The following EFCAB13 variants were observed in gnomAD, a reference collection of about 807,000 sequenced individuals.
EFCAB13 encodes EF-hand calcium binding domain 13, also known as EF-hand calcium-binding domain-containing protein 13.
In EFCAB13, 91 loss-of-function variants were observed where a neutral mutation model predicts 110.2. That is an observed-to-expected ratio of 0.83 (90% CI 0.70 to 0.98). The LOEUF is 0.98. Ranked by LOEUF, EFCAB13 falls within the 50% of genes least tolerant of loss-of-function variation. The probability of loss-of-function intolerance (pLI) is 0.00; values close to 1 mark genes in which losing one functional copy is unlikely to be tolerated. For missense variants in EFCAB13, 968 were observed against 1,119.4 expected (o/e 0.86, Z 1.93); for synonymous variants, 323 against 369.9 (o/e 0.87, Z 1.45).
chr17:47,391,673 A>C (rs2065708693), intron 15 of EFCAB13, 93 bp downstream of exon 15: 1 of 1,169,250 alleles, frequency 8.6e-7, no homozygotes, highest in Non-Finnish European at 1.2e-6. Flanking sequence ...TAATTTTTTT[A>C]TTATAAAAAG....
At position 47,374,709 on chromosome 17, in the gene EFCAB13, G is replaced by A; in HGVS notation, c.1115G>A (p.Gly372Glu). 1 of 1,613,526 alleles carries A rather than the reference G, an allele frequency of 6.2e-7. No homozygotes were observed. Among genetic ancestry groups the A allele is most frequent in the Non-Finnish European group, 8.5e-7 (1 of 1,179,876 alleles). Reference protein sequence around the residue: ...NTWQIRKFLGGVGSSNVGVQE... With the variant: ...NTWQIRKFLGEVGSSNVGVQE... ...TGGCAAATAAGAAAATTTCTGGGTGGGGTTGGCAGCAGTAATGTAGGAGTC... is the reference window on the plus strand; with the variant it reads ...TGGCAAATAAGAAAATTTCTGGGTGAGGTTGGCAGCAGTAATGTAGGAGTC... Residue 372 changes from glycine to glutamate, a missense_variant, in exon 12 of 25, where the codon GGG (glycine) becomes GAG (glutamate). By Grantham distance (98) the Gly-to-Glu change is moderately conservative. Coordinates refer to ENST00000331493, the MANE Select transcript of EFCAB13 (RefSeq NM_152347.5).
chr17:47,349,655 T>C (rs1379300884), intron 9 of EFCAB13, among the ~76,000 whole-genome samples: 1 of 152,086 alleles, frequency 6.6e-6, no homozygotes, highest in African/African-American at 2.4e-5. Flanking sequence ...AGTTTGCTAA[T>C]AATGTTTGCT....
At chr17:47,432,253 C>A (rs2143521539) in intron 24 of EFCAB13, among the ~76,000 whole-genome samples, 1 of 152,082 alleles carries the variant, frequency 6.6e-6, no homozygotes, top group East Asian at 1.9e-4. Context: ...AAAAAATTAG[C>A]CAGGCGTGGT....
At position 47,326,217 on chromosome 17, in the gene EFCAB13, T is replaced by C. The variant is rs1448958617; in HGVS notation, c.-247-9T>C. 6.6e-6 allele frequency: 1 copy of C among 152,104 alleles called. No homozygotes were observed. Among genetic ancestry groups the C allele is most frequent in the African/African-American group, 2.4e-5 (1 of 41,434 alleles). The allele number at this position is 152,104 out of a possible 1,614,324, so 9.4% of individuals were successfully genotyped here. A position where few individuals can be genotyped will look rare whatever the true frequency, so the allele number is the denominator to read the frequency against. On this transcript the variant is annotated splice_polypyrimidine_tract_variant and intron_variant, in intron 2 of 24. Transcript: ENST00000331493. ...GAATAGACTTTCTAAGTTAATTTTTTCTTTTAAGTTTGGAGAGGCTTATGC... is the reference window on the plus strand; with the variant it reads ...GAATAGACTTTCTAAGTTAATTTTTCCTTTTAAGTTTGGAGAGGCTTATGC...
At chr17:47,336,875 T>C (rs1729662811) in intron 5 of EFCAB13, among the ~76,000 whole-genome samples, 1 of 151,964 alleles carries the variant, frequency 6.6e-6, no homozygotes, top group Non-Finnish European at 1.5e-5. Flanking sequence ...ATAAAATGAC[T>C]AAAAAATAAA....
At chr17:47,375,703 T>TTGATTAATTATTAATTAA (rs1598739937) in intron 12 of EFCAB13, among the ~76,000 whole-genome samples, 1 of 152,220 alleles carries the variant, frequency 6.6e-6, no homozygotes, top group East Asian at 1.9e-4. Flanking sequence ...GAGAAACTTA[T>TTGATTAATTATTAATTAA]TCAGTGATTA....
chr17:47,371,381 C>T (rs951583947), intron 11 of EFCAB13, among the ~76,000 whole-genome samples: 1 of 152,036 alleles, frequency 6.6e-6, no homozygotes, highest in Non-Finnish European at 1.5e-5. Context: ...AGTCTTTAAT[C>T]CAGCTTGAGT....
chr17:47,420,260 C>T (rs1319466677), intron 23 of EFCAB13, among the ~76,000 whole-genome samples: 1 of 152,190 alleles, frequency 6.6e-6, no homozygotes, highest in Non-Finnish European at 1.5e-5. Flanking sequence ...TCAATGGTGC[C>T]CAGGCTGGAG....
chr17:47,394,445 T>C (rs1013903075), intron 16 of EFCAB13, among the ~76,000 whole-genome samples: 4 of 152,214 alleles, frequency 2.6e-5, no homozygotes, highest in African/African-American at 2.4e-5. Context: ...TGAGTACTAA[T>C]ATGAGAATTT....
At chr17:47,387,146 T>C (rs552662190) in intron 14 of EFCAB13, among the ~76,000 whole-genome samples, 4 of 152,332 alleles carry the variant, frequency 2.6e-5, no homozygotes, top group African/African-American at 7.2e-5. Flanking sequence ...TATTGATTTT[T>C]AGTTTTATTA....
At chr17:47,420,639 A>G (rs8079784) in intron 23 of EFCAB13, among the ~76,000 whole-genome samples, 1,654 of 146,726 alleles carry the variant, frequency 0.011, 28 homozygotes, top group African/African-American at 0.041. Flanking sequence ...CCCGGCCGCG[A>G]CCCCGTGTGG....
chr17:47,417,649 A>G (rs1166572055), intron 23 of EFCAB13, among the ~76,000 whole-genome samples: 1 of 152,120 alleles, frequency 6.6e-6, no homozygotes, highest in African/African-American at 2.4e-5. Flanking sequence ...ATTTCTCCCA[A>G]TAGTCATATC....
At chr17:47,399,815 A>C (rs2065769464) in intron 17 of EFCAB13, among the ~76,000 whole-genome samples, 1 of 152,204 alleles carries the variant, frequency 6.6e-6, no homozygotes, top group Admixed American at 6.5e-5. Context: ...AGAAAAGGTA[A>C]TTTATCATTT....
chr17:47,378,064 A>AG (rs1484488819), intron 13 of EFCAB13, among the ~76,000 whole-genome samples, 161 bp downstream of exon 13: 1 of 152,214 alleles, frequency 6.6e-6, no homozygotes, highest in Non-Finnish European at 1.5e-5. Context: ...GTAAAAAAAA[A>AG]TTCCTTTAAG....
At chr17:47,380,873 GCTT>G (rs1487610869) in intron 14 of EFCAB13, among the ~76,000 whole-genome samples, 2 of 143,984 alleles carry the variant, frequency 1.4e-5, no homozygotes, top group East Asian at 2.1e-4. Flanking sequence ...CGCATAAATT[GCTT>G]CTTCTTTTTT....
intron 6 of EFCAB13, among the ~76,000 whole-genome samples, chr17:47,342,415 G>C (rs910638277): frequency 1.3e-5 from 2 of 152,032 alleles, no homozygotes; most frequent in Non-Finnish European, 2.9e-5. Context: ...TCCTGTGTCT[G>C]TATCTCATCT....
At chr17:47,399,048 A>C (rs1186649845) in intron 17 of EFCAB13, among the ~76,000 whole-genome samples, 1 of 152,062 alleles carries the variant, frequency 6.6e-6, no homozygotes, top group Non-Finnish European at 1.5e-5. Flanking sequence ...TCAGCCTCCC[A>C]AGTAGCTGGG....
rs368309430 is a variant in EFCAB13 at position 47,377,904 on chromosome 17, G to A, written c.1510+1G>A. ...ATTGTGACAGACACTAGTAGAAATGGTGAGAGACTGATAACACTGAAGTTT... is the reference window on the plus strand; with the variant it reads ...ATTGTGACAGACACTAGTAGAAATGATGAGAGACTGATAACACTGAAGTTT... On this transcript the variant is annotated splice_donor_variant, in intron 13 of 24. Transcript: ENST00000331493. LOFTEE classifies it high-confidence loss of function. 5.3e-5 allele frequency: 83 copies of A among 1,577,950 alleles called. No homozygotes were observed. The highest frequency in any genetic ancestry group is 6.4e-5 in the Non-Finnish European group (75 of 1,170,414).
At chr17:47,403,679 G>A (rs978581378) in intron 18 of EFCAB13, among the ~76,000 whole-genome samples, 199 bp from the exon 19 acceptor site, 11 of 152,052 alleles carry the variant, frequency 7.2e-5, no homozygotes, top group African/African-American at 7.2e-5. Context: ...TTTTATAAAC[G>A]CACCAGAGAA....
Sources: gnomAD v4.1 joint callset for allele counts (sites outside exome capture counted in the v4.1 genomes callset) on GRCh38, gnomAD v4.1.1 for gene constraint, MANE v1.5 for transcripts, NCBI Gene and HGNC (gene_info 2026-07-23, HGNC 2026-07-21) for gene names.